RAB40A: variants seen among roughly 807,000 people sequenced by gnomAD.
The protein encoded by RAB40A is ras-related protein Rab-40A.
For synonymous variants in RAB40A, 65 were observed against 99.9 expected (o/e 0.65, Z 2.08); for missense variants, 145 against 230.2 (o/e 0.63, Z 2.40).
chrX:103,493,784 C>T, the RAB40A span, among the ~76,000 whole-genome samples: 1 of 112,247 alleles, frequency 8.9e-6, no homozygotes, highest in Non-Finnish European at 1.9e-5. Flanking sequence ...TGATGGCTGA[C>T]TAGTACTCCG....
In RAB40A at chrX:103,503,086, G is replaced by T. The variant is rs2073237116; in HGVS notation, c.-70-2260C>A. 4.0e-6 allele frequency: 3 copies of T among 749,254 alleles called. No homozygotes were observed. The South Asian group carries it at 2.1e-4, about 51-fold the overall frequency. 61.7% of individuals were successfully genotyped at this position (749,254 alleles called of 1,213,427 possible). ...AGACAGAATGTTCTCTACATTCTTG[G>T]ATGTCTCATAATCTAATAAAAGCTG... On this transcript the variant is annotated intron_variant, in intron 2 of 2. Coordinates refer to ENST00000304236, the MANE Select transcript of RAB40A (RefSeq NM_080879.3).
intron 2 of RAB40A, chrX:103,502,699 G>T (rs1337865262): frequency 1.3e-6 from 1 of 762,534 alleles, no homozygotes; most frequent in African/African-American, 2.3e-5. Context: ...CTAAAAGGGG[G>T]TGCTCAGGGT....
At chrX:103,516,428 C>T (rs1384587567) in intron 2 of RAB40A, among the ~76,000 whole-genome samples, 1 of 111,575 alleles carries the variant, frequency 9.0e-6, no homozygotes, top group Non-Finnish European at 1.9e-5. Flanking sequence ...CATGCAATCA[C>T]GAGGATAAAC....
intron 2 of RAB40A, among the ~76,000 whole-genome samples, chrX:103,513,079 G>T (rs193095546): frequency 1.8e-5 from 2 of 111,888 alleles, no homozygotes; most frequent in East Asian, 5.6e-4. Context: ...GGCAGGTTTA[G>T]GGAAATTACA....
At chrX:103,504,883 A>C (rs980140598) in intron 2 of RAB40A, among the ~76,000 whole-genome samples, 14 of 112,268 alleles carry the variant, frequency 1.2e-4, no homozygotes, top group Admixed American at 1.2e-3. Flanking sequence ...ATTTAATCTT[A>C]AAGAAGGGGA....
intron 2 of RAB40A, among the ~76,000 whole-genome samples, chrX:103,505,034 C>T (rs1404644016): frequency 8.9e-6 from 1 of 111,918 alleles, no homozygotes; most frequent in East Asian, 2.8e-4. Flanking sequence ...AGTCATTATA[C>T]CTCCAAAAGT....
intron 2 of RAB40A, among the ~76,000 whole-genome samples, chrX:103,509,038 A>T (rs1235434272): frequency 8.9e-6 from 1 of 112,092 alleles, no homozygotes; most frequent in African/African-American, 3.2e-5. Context: ...GTAACACACG[A>T]TTGTCCACTC....
At chrX:103,496,749 G>GTAGC (rs1293602038), downstream of RAB40A, among the ~76,000 whole-genome samples, 8 of 112,507 alleles carry the variant, frequency 7.1e-5, no homozygotes, top group African/African-American at 2.6e-4. Flanking sequence ...CACAGTTCCT[G>GTAGC]TAGCACAGCC....
downstream of RAB40A, among the ~76,000 whole-genome samples, chrX:103,494,954 T>C (rs1011303107): frequency 5.3e-5 from 6 of 112,220 alleles, no homozygotes; most frequent in African/African-American, 1.9e-4. Context: ...GTGGAGAATG[T>C]CATTGGTATT....
intron 2 of RAB40A, among the ~76,000 whole-genome samples, chrX:103,513,735 C>T (rs1375489499): frequency 1.8e-5 from 2 of 110,328 alleles, no homozygotes; most frequent in Non-Finnish European, 3.8e-5. Context: ...ATTTCACATT[C>T]GAGATACACT....
chrX:103,499,835 C>T lies in RAB40A; in HGVS notation c.*88G>A. ...CCCGTGAGAAACTGAAAACTAATTT[C>T]TTGAATCTACAATGCGACTTCCATC... On this transcript the variant is annotated 3_prime_UTR_variant, in exon 3 of 3. Transcript: ENST00000304236. 2.7e-6 allele frequency: 3 copies of T among 1,094,164 alleles called. No individual in the cohort carries two copies. Among genetic ancestry groups the T allele is most frequent in the South Asian group, 3.7e-5 (2 of 53,660 alleles). The allele number at this position is 1,094,164 out of a possible 1,213,427, so 90.2% of individuals were successfully genotyped here. A position where few individuals can be genotyped will look rare whatever the true frequency, so the allele number is the denominator to read the frequency against.
Position 103,499,889 on chromosome X carries a change from A to C in RAB40A, c.*34T>G, listed in dbSNP as rs749279303. ...CAGGTGTAACCAGAGTTTTTCCTGGAGCGATTCCAGCTTGTTTCCTTTTGG... is the reference window on the plus strand; with the variant it reads ...CAGGTGTAACCAGAGTTTTTCCTGGCGCGATTCCAGCTTGTTTCCTTTTGG... On this transcript the variant is annotated 3_prime_UTR_variant, in exon 3 of 3. Coordinates refer to ENST00000304236, the MANE Select transcript of RAB40A (RefSeq NM_080879.3). 1.1e-5 allele frequency: 13 copies of C among 1,197,935 alleles called. No individual in the cohort carries two copies. In the African/African-American group the frequency reaches 1.9e-4, roughly 18 times the overall value.
At chrX:103,508,522 C>T (rs1324039154) in intron 2 of RAB40A, among the ~76,000 whole-genome samples, 1 of 112,031 alleles carries the variant, frequency 8.9e-6, no homozygotes, top group African/African-American at 3.2e-5. Context: ...TGTTGGAACA[C>T]AGCAGTAGGG....
Position 103,499,829 on chromosome X carries a change from T to C in RAB40A, c.*94A>G. The C allele has an allele frequency of 1.9e-6, 2 of 1,066,817 alleles. No individual in the cohort carries two copies. The highest frequency in any genetic ancestry group is 3.0e-5 in the East Asian group (1 of 33,069). The allele number at this position is 1,066,817 out of a possible 1,213,427, so 87.9% of individuals were successfully genotyped here. A position where few individuals can be genotyped will look rare whatever the true frequency, so the allele number is the denominator to read the frequency against. ...ATGGTTCCCGTGAGAAACTGAAAACTAATTTCTTGAATCTACAATGCGACT... is the reference window on the plus strand; with the variant it reads ...ATGGTTCCCGTGAGAAACTGAAAACCAATTTCTTGAATCTACAATGCGACT... On this transcript the variant is annotated 3_prime_UTR_variant, in exon 3 of 3. Transcript: ENST00000304236.
At chrX:103,516,828 TTTG>T (rs1363156475) in intron 2 of RAB40A, among the ~76,000 whole-genome samples, 5 of 111,903 alleles carry the variant, frequency 4.5e-5, no homozygotes, top group African/African-American at 9.7e-5. Context: ...TCCTGGGTTT[TTTG>T]TTGTTATTTT....
chrX:103,509,317 C>CTG lies in RAB40A; in HGVS notation c.-71+8056_-71+8057insCA, dbSNP rs2073274260. 3.0e-5 allele frequency among the ~76,000 whole-genome samples: 3 copies of CTG among 99,749 alleles called. No homozygotes were observed. The South Asian group carries it at 1.4e-3, about 46-fold the overall frequency. The allele number at this position is 99,749 out of a possible 115,157, so 86.6% of individuals were successfully genotyped here. ...TCTCTCTCTCTCTCTCTCTCTCTCTCTCTGTCTCTCTGTCTCTCTGTCTCT... is the reference window on the plus strand; with the variant it reads ...TCTCTCTCTCTCTCTCTCTCTCTCTCTGTCTGTCTCTCTGTCTCTCTGTCTCT... On this transcript the variant is annotated intron_variant, in intron 2 of 2. Coordinates refer to ENST00000304236, the MANE Select transcript of RAB40A (RefSeq NM_080879.3).
chrX:103,503,451 A>G (rs571413621), intron 2 of RAB40A: 1 of 752,174 alleles, frequency 1.3e-6, no homozygotes, highest in South Asian at 6.8e-5. Context: ...GAGGGAAGAG[A>G]TAAATCAGTG....
downstream of RAB40A, chrX:103,497,599 C>A (rs2073186717): frequency 8.9e-6 from 1 of 111,902 alleles, no homozygotes; most frequent in Non-Finnish European, 1.9e-5. Context: ...GAGGGATCCA[C>A]CCTGACCTGA....
intron 2 of RAB40A, chrX:103,501,231 A>C: frequency 7.9e-6 from 1 of 127,138 alleles, no homozygotes. Context: ...TCCATTTTAC[A>C]AATGAGAAAA....
Sources: allele counts gnomAD v4.1 joint callset (sites outside exome capture counted in the v4.1 genomes callset), GRCh38; gene constraint gnomAD v4.1.1; transcripts MANE v1.5; gene names NCBI Gene and HGNC (gene_info 2026-07-23, HGNC 2026-07-21).